Variants in GPATCH2 observed in about 807,000 individuals in gnomAD.
GPATCH2 encodes the protein G-patch domain containing 2.
GPATCH2 carries 51 observed loss-of-function variants against 58.0 expected under a neutral mutation model. The observed-to-expected ratio is 0.88, with a 90% confidence interval of 0.70 to 1.11. GPATCH2 has a LOEUF of 1.11. Ranked by LOEUF, GPATCH2 falls within the 50% of genes most tolerant of loss-of-function variation. The probability of loss-of-function intolerance (pLI) is 0.00; values close to 1 mark genes in which losing one functional copy is unlikely to be tolerated. For synonymous variants in GPATCH2, 222 were observed against 218.5 expected, an observed-to-expected ratio of 1.02 and a Z score of -0.14; for missense variants, 625 against 652.2, an observed-to-expected ratio of 0.96 and a Z score of 0.45.
chr1:217,483,433 C>T (rs1661307436), intron 8 of GPATCH2, among the ~76,000 whole-genome samples: 2 of 152,178 alleles, frequency 1.3e-5, no homozygotes, highest in Non-Finnish European at 2.9e-5. Context: ...AGTCCTCCCA[C>T]CTTGGCCTCC....
chr1:217,606,617 T>A (rs1457792658), intron 5 of GPATCH2, among the ~76,000 whole-genome samples: 5 of 152,084 alleles, frequency 3.3e-5, no homozygotes, highest in Non-Finnish European at 7.4e-5. Context: ...GGTGCACGCC[T>A]GTAGACCCTG....
At chr1:217,586,491 A>C (rs74142484) in intron 5 of GPATCH2, among the ~76,000 whole-genome samples, 2,161 of 152,204 alleles carry the variant, frequency 0.014, 47 homozygotes, top group African/African-American at 0.049. Flanking sequence ...TCTCACTGGA[A>C]GGTCTTCAGG....
At chr1:217,431,678 T>A (rs1242512166) in intron 9 of GPATCH2, among the ~76,000 whole-genome samples, 1 of 152,224 alleles carries the variant, frequency 6.6e-6, no homozygotes, top group African/African-American at 2.4e-5. Context: ...GTAGGACAGA[T>A]GAGATCATGT....
rs1333803703 is a variant in GPATCH2 at position 217,630,905 on chromosome 1, G to A, written c.56+11C>T. On this transcript the variant is annotated intron_variant, in intron 1 of 9. Coordinates refer to ENST00000366935, the MANE Select transcript of GPATCH2 (RefSeq NM_018040.5). ...CCCTGACCTCCCCCTCCCCAGGGCC[G>A]CCAGCCTCACCAGCTGTTCCCGGCT... is the stretch of plus-strand genomic sequence containing the variant. 1 of 1,582,196 alleles carries A rather than the reference G, an allele frequency of 6.3e-7. No homozygotes were observed. Among genetic ancestry groups the A allele is most frequent in the Non-Finnish European group, 8.6e-7 (1 of 1,168,660 alleles).
intron 5 of GPATCH2, among the ~76,000 whole-genome samples, chr1:217,575,894 T>C (rs1384654240): frequency 1.3e-5 from 2 of 152,178 alleles, no homozygotes; most frequent in East Asian, 3.8e-4. Flanking sequence ...TCCAAAATTC[T>C]AAATTTTTAA....
At chr1:217,495,625 GAACT>G (rs773372833) in intron 7 of GPATCH2, among the ~76,000 whole-genome samples, 2 of 152,150 alleles carry the variant, frequency 1.3e-5, no homozygotes, top group Admixed American at 6.5e-5. Flanking sequence ...TTCCACCCCT[GAACT>G]AACTTTCACA....
At chr1:217,450,115 C>G (rs537813597) in intron 8 of GPATCH2, among the ~76,000 whole-genome samples, 1 of 151,980 alleles carries the variant, frequency 6.6e-6, no homozygotes, top group Non-Finnish European at 1.5e-5. Context: ...AAAAAGAAAG[C>G]ATTTAAAGTC....
chr1:217,593,468 A>C (rs4846427), intron 5 of GPATCH2, among the ~76,000 whole-genome samples: 32,190 of 151,872 alleles, frequency 0.21, 4,260 homozygotes, highest in East Asian at 0.52. Context: ...AAATGTATTA[A>C]TCATAACCAA....
chr1:217,440,591 T>G (rs1429675796), intron 9 of GPATCH2, among the ~76,000 whole-genome samples: 1 of 152,184 alleles, frequency 6.6e-6, no homozygotes, highest in Non-Finnish European at 1.5e-5. Flanking sequence ...GCAGATGACA[T>G]GATTGCATAT....
chr1:217,519,689 T>G (rs1663351010), intron 5 of GPATCH2, among the ~76,000 whole-genome samples: 1 of 152,198 alleles, frequency 6.6e-6, no homozygotes, highest in Non-Finnish European at 1.5e-5. Context: ...TAATGAGATA[T>G]GCATGCAAGG....
intron 5 of GPATCH2, among the ~76,000 whole-genome samples, chr1:217,576,873 GA>G (rs1666830699): frequency 6.6e-6 from 1 of 152,182 alleles, no homozygotes; most frequent in African/African-American, 2.4e-5. Context: ...ATGCGAAGGG[GA>G]TAAGGATTAA....
intron 5 of GPATCH2, among the ~76,000 whole-genome samples, chr1:217,584,493 C>A (rs1326095928): frequency 6.6e-6 from 1 of 151,490 alleles, no homozygotes; most frequent in Non-Finnish European, 1.5e-5. Flanking sequence ...TGCACCATTG[C>A]ACTCCAGCTT....
chr1:217,612,758 T>C (rs1037204611), intron 3 of GPATCH2, among the ~76,000 whole-genome samples: 3 of 152,202 alleles, frequency 2.0e-5, no homozygotes, highest in African/African-American at 7.2e-5. Flanking sequence ...CAAATAGTCA[T>C]TGATTAAGAA....
chr1:217,468,171 A>G (rs1660546925), intron 8 of GPATCH2, among the ~76,000 whole-genome samples: 1 of 152,230 alleles, frequency 6.6e-6, no homozygotes. Flanking sequence ...CAACAGAAGT[A>G]ACTAGAACAT....
rs563155078 is a variant in GPATCH2 at position 217,437,370 on chromosome 1, A to G, written c.1367-6005T>C. ...TCATACCCCAGTGGCACCTGGAATG[A>G]CAGCGAGACACAACCATTAACTCCT... On this transcript the variant is annotated intron_variant, in intron 9 of 9. Coordinates refer to ENST00000366935, the MANE Select transcript of GPATCH2 (RefSeq NM_018040.5). 2.6e-5 allele frequency among the ~76,000 whole-genome samples: 4 copies of G among 152,296 alleles called. No individual in the cohort carries two copies. In the South Asian group the frequency reaches 8.3e-4, roughly 32 times the overall value.
intron 5 of GPATCH2, among the ~76,000 whole-genome samples, chr1:217,584,263 C>T (rs577544665): frequency 2.0e-5 from 3 of 148,746 alleles, no homozygotes; most frequent in Admixed American, 1.4e-4. Flanking sequence ...GAGGCCGAGG[C>T]GGGCAGATCA....
At chr1:217,575,036 G>A (rs1210936653) in intron 5 of GPATCH2, among the ~76,000 whole-genome samples, 1 of 152,074 alleles carries the variant, frequency 6.6e-6, no homozygotes, top group African/African-American at 2.4e-5. Flanking sequence ...AAGTGATTTA[G>A]GTCTATGGCA....
chr1:217,615,205 T>C (rs1286627358), intron 2 of GPATCH2, among the ~76,000 whole-genome samples: 2 of 152,106 alleles, frequency 1.3e-5, no homozygotes, highest in Non-Finnish European at 2.9e-5. Context: ...ATTAAAATTA[T>C]AGATGAGATC....
chr1:217,521,868 G>GAT (rs1249675693), intron 5 of GPATCH2, among the ~76,000 whole-genome samples: 1 of 152,116 alleles, frequency 6.6e-6, no homozygotes, highest in Non-Finnish European at 1.5e-5. Flanking sequence ...TGCCTTCCTA[G>GAT]AGGAATCCGT....
Sources: gnomAD v4.1 joint callset for allele counts (sites outside exome capture counted in the v4.1 genomes callset) on GRCh38, gnomAD v4.1.1 for gene constraint, MANE v1.5 for transcripts, NCBI Gene and HGNC (gene_info 2026-07-23, HGNC 2026-07-21) for gene names.